The following PRPF4 variants were observed in gnomAD, a reference collection of about 807,000 sequenced individuals.
PRPF4 encodes U4/U6 small nuclear ribonucleoprotein Prp4.
A neutral mutation model predicts 72.2 loss-of-function variants in PRPF4; 14 were observed. That is an observed-to-expected ratio of 0.19 (90% CI 0.13 to 0.30). The LOEUF (loss-of-function observed/expected upper bound fraction) is 0.30, where lower values mean the gene tolerates loss of function less well. Among genes scored for constraint, PRPF4 ranks in the 10% least tolerant of loss-of-function variants. The pLI, the probability that PRPF4 is intolerant of heterozygous loss-of-function variation, is 1.00. For missense variants in PRPF4, 478 were observed against 653.9 expected (o/e 0.73, Z 2.93); for synonymous variants, 225 against 232.2 (o/e 0.97, Z 0.28).
chr9:113,280,546 T>TA (rs1288429254), intron 3 of PRPF4, among the ~76,000 whole-genome samples: 13 of 152,228 alleles, frequency 8.5e-5, no homozygotes, highest in Non-Finnish European at 2.9e-5. Flanking sequence ...ACTTGCGAGA[T>TA]ACAACTCCAG....
chr9:113,281,718 C>A (rs1832288906), intron 3 of PRPF4, among the ~76,000 whole-genome samples: 1 of 152,158 alleles, frequency 6.6e-6, no homozygotes, highest in Non-Finnish European at 1.5e-5. Context: ...CTCTGCCTGA[C>A]ATTTTCTCAT....
chr9:113,285,667 A>G (rs140437557), intron 7 of PRPF4, among the ~76,000 whole-genome samples: 6 of 151,580 alleles, frequency 4.0e-5, no homozygotes, highest in East Asian at 1.9e-4. Context: ...TGTGAGCCAC[A>G]GCGCCTGGCC....
rs1564248393 is a variant in PRPF4, at chr9:113,282,739, A to T, written c.480+6A>T. 1 of 1,584,050 alleles carries T rather than the reference A, an allele frequency of 6.3e-7. No homozygotes were observed. The highest frequency in any genetic ancestry group is 1.1e-5 in the South Asian group (1 of 89,756). Reference sequence around the variant, plus strand: ...CTAAAAAGTCCAAAGAAGAGGTAGAACATGTCTTTAACTTCACAGTATAAA... The same window carrying T: ...CTAAAAAGTCCAAAGAAGAGGTAGATCATGTCTTTAACTTCACAGTATAAA... On this transcript the variant is annotated splice_donor_region_variant and intron_variant, in intron 4 of 13. Coordinates refer to ENST00000374198, the MANE Select transcript of PRPF4 (RefSeq NM_001244926.2).
At chr9:113,280,685 A>G (rs1310619126) in intron 3 of PRPF4, among the ~76,000 whole-genome samples, 2 of 152,162 alleles carry the variant, frequency 1.3e-5, no homozygotes, top group South Asian at 4.1e-4. Context: ...AACTCTTACC[A>G]TGGTCTGTAA....
chr9:113,284,881 C>T (rs1159785770), intron 7 of PRPF4, among the ~76,000 whole-genome samples: 1 of 152,080 alleles, frequency 6.6e-6, no homozygotes, highest in African/African-American at 2.4e-5. Context: ...ATTTTCTTAT[C>T]ACCACATATG....
At position 113,291,876 on chromosome 9, in the gene PRPF4, C is replaced by T; in HGVS notation, c.*216C>T. 2 of 517,194 alleles carry T rather than the reference C, an allele frequency of 3.9e-6. No individual in the cohort carries two copies. Among genetic ancestry groups the T allele is most frequent in the Non-Finnish European group, 3.4e-6 (1 of 290,040 alleles). 32.0% of individuals were successfully genotyped at this position (517,194 alleles called of 1,614,324 possible). Reference sequence around the variant, plus strand: ...CCTCTCACGGTTGAAAATTTATTACCTTTTTACGCCCTGCCACGAACTGTG... The same window carrying T: ...CCTCTCACGGTTGAAAATTTATTACTTTTTTACGCCCTGCCACGAACTGTG... On this transcript the variant is annotated 3_prime_UTR_variant, in exon 14 of 14. Coordinates refer to ENST00000374198, the MANE Select transcript of PRPF4 (RefSeq NM_001244926.2).
intron 3 of PRPF4, among the ~76,000 whole-genome samples, chr9:113,281,099 TC>T (rs1234757121): frequency 2.6e-5 from 4 of 152,312 alleles, no homozygotes; most frequent in East Asian, 1.9e-4. Flanking sequence ...CCTCAAGTGA[TC>T]CGCCTGCCTG....
At position 113,288,218 on chromosome 9, in the gene PRPF4, G is replaced by A; in HGVS notation, c.976G>A (p.Ala326Thr). The change falls in exon 10 of 14, where the codon GCG (alanine) becomes ACG (threonine). Residue 326 changes from alanine (A) to threonine (T), a missense_variant. By Grantham distance (58) the Ala-to-Thr change is moderately conservative. Coordinates refer to ENST00000374198, the MANE Select transcript of PRPF4 (RefSeq NM_001244926.2). ...TATTGAAGGCCATACAGTGCGTGTG[G>A]CGCGGGTAATGTGGCATCCTTCAGG... ...ADIEGHTVRV[A>T]RVMWHPSGRF... 2 of 1,614,230 alleles carry A rather than the reference G, an allele frequency of 1.2e-6. No homozygotes were observed. Among genetic ancestry groups the A allele is most frequent in the Non-Finnish European group, 1.7e-6 (2 of 1,180,038 alleles).
intron 8 of PRPF4, 103 bp downstream of exon 8, chr9:113,286,393 C>A: frequency 1.7e-6 from 2 of 1,146,214 alleles, no homozygotes; most frequent in South Asian, 1.3e-5. Context: ...CAGCATTAAT[C>A]CTTGATTTGA....
At chr9:113,278,893 TTCTC>T in intron 2 of PRPF4, 48 bp from the exon 3 acceptor site, 4 of 1,570,188 alleles carry the variant, frequency 2.5e-6, no homozygotes, top group Non-Finnish European at 3.5e-6. Flanking sequence ...TAGAAATTAT[TTCTC>T]TCTATTTGAA....
At chr9:113,286,934 T>C (rs1832466647) in intron 9 of PRPF4, 106 bp downstream of exon 9, 6 of 1,514,588 alleles carry the variant, frequency 4.0e-6, no homozygotes, top group Non-Finnish European at 5.4e-6. Flanking sequence ...CCATGCGCAG[T>C]GGCTCACACC....
At chr9:113,280,884 AG>A (rs1188074448) in intron 3 of PRPF4, among the ~76,000 whole-genome samples, 1 of 151,702 alleles carries the variant, frequency 6.6e-6, no homozygotes, top group African/African-American at 2.4e-5. Context: ...TCTGTCACCC[AG>A]GGTGGAGTGC....
chr9:113,286,694 C>T lies in PRPF4; in HGVS notation c.809-11C>T, dbSNP rs941479079. 6.2e-6 allele frequency: 10 copies of T among 1,614,022 alleles called. No individual in the cohort carries two copies. In the African/African-American group the frequency reaches 1.3e-4, roughly 22 times the overall value. On this transcript the variant is annotated splice_polypyrimidine_tract_variant and intron_variant, in intron 8 of 13. Transcript: ENST00000374198. ...GGAACCTTTTAACTTGCATCTCTTA[C>T]ACTCCTTTAGGGCATAACACAAATG...
At chr9:113,285,516 C>T (rs1041273667) in intron 7 of PRPF4, among the ~76,000 whole-genome samples, 24 of 150,280 alleles carry the variant, frequency 1.6e-4, no homozygotes, top group African/African-American at 5.9e-4. Context: ...GTAGCTGGGA[C>T]TACAGGCACC....
chr9:113,275,801 G>T, intron 1 of PRPF4, 31 bp downstream of exon 1: 1 of 1,609,426 alleles, frequency 6.2e-7, no homozygotes, highest in Non-Finnish European at 8.5e-7. Context: ...GCTCACTCTG[G>T]CAGGGAGCGC....
intron 10 of PRPF4, among the ~76,000 whole-genome samples, chr9:113,289,859 T>C (rs1832557169): frequency 6.6e-6 from 1 of 152,152 alleles, no homozygotes; most frequent in Admixed American, 6.5e-5. Flanking sequence ...TGAAAGAATA[T>C]AACAGTGGAG....
intron 2 of PRPF4, among the ~76,000 whole-genome samples, chr9:113,278,085 A>C (rs1054052257): frequency 6.6e-6 from 1 of 152,262 alleles, no homozygotes. Context: ...TGAGAATTTT[A>C]ATACAGCTAA....
intron 1 of PRPF4, 55 bp downstream of exon 1, chr9:113,275,825 G>A: frequency 6.2e-7 from 1 of 1,603,192 alleles, no homozygotes; most frequent in Non-Finnish European, 8.5e-7. Flanking sequence ...GGGGGAAGGG[G>A]ATCTCTGCGG....
In PRPF4 at chr9:113,276,533, T is replaced by G; in HGVS notation, c.28-15T>G. 1.9e-6 allele frequency: 3 copies of G among 1,614,036 alleles called. No individual in the cohort carries two copies. Among genetic ancestry groups the G allele is most frequent in the Non-Finnish European group, 2.5e-6 (3 of 1,179,898 alleles). ...AGATTAAACCTTAGTTTAATGCAGATCTTTGATTTAGCAGGCAACCAAAAC... is the reference window on the plus strand; with the variant it reads ...AGATTAAACCTTAGTTTAATGCAGAGCTTTGATTTAGCAGGCAACCAAAAC... On this transcript the variant is annotated splice_polypyrimidine_tract_variant and intron_variant, in intron 1 of 13. Coordinates refer to ENST00000374198, the MANE Select transcript of PRPF4 (RefSeq NM_001244926.2).
Sources: allele counts gnomAD v4.1 joint callset (sites outside exome capture counted in the v4.1 genomes callset), GRCh38; gene constraint gnomAD v4.1.1; transcripts MANE v1.5; gene names NCBI Gene and HGNC (gene_info 2026-07-23, HGNC 2026-07-21).